Variants in OAT observed in about 807,000 individuals in gnomAD.
OAT encodes ornithine aminotransferase.
OAT carries 35 observed loss-of-function variants against 48.4 expected under a neutral mutation model. The ratio of observed to expected loss-of-function variants is 0.72; its 90% CI spans 0.55 to 0.96. The LOEUF (loss-of-function observed/expected upper bound fraction) is 0.96. OAT is among the 40% of genes least tolerant of loss of function. OAT has a pLI of 0.00. For missense variants in OAT, 438 were observed against 537.9 expected (o/e 0.81, Z 1.84); for synonymous variants, 182 against 198.4 (o/e 0.92, Z 0.70).
Position 124,411,846 on chromosome 10 carries a change from A to G in OAT, c.199+127T>C. The G allele has an allele frequency of 1.9e-5, 15 of 806,074 alleles. No individual in the cohort carries two copies. In the South Asian group the frequency reaches 2.1e-4, roughly 11 times the overall value. 49.9% of individuals were successfully genotyped at this position (806,074 alleles called of 1,614,324 possible). A position where few individuals can be genotyped will look rare whatever the true frequency, so the allele number is the denominator to read the frequency against. On this transcript the variant is annotated intron_variant, in intron 2 of 9. Transcript: ENST00000368845. ...AAAAAAAAAAAAAAGAAGAAGAAGAATTAACCATGTCTGCAATATACACAT... is the reference window on the plus strand; with the variant it reads ...AAAAAAAAAAAAAAGAAGAAGAAGAGTTAACCATGTCTGCAATATACACAT...
chr10:124,403,561 T>C (rs1045918510), intron 6 of OAT, among the ~76,000 whole-genome samples: 1 of 152,236 alleles, frequency 6.6e-6, no homozygotes, highest in East Asian at 1.9e-4. Flanking sequence ...TCTGCAGTTC[T>C]GCACAGGGCC....
Position 124,403,787 on chromosome 10 carries a change from A to AACG in OAT, c.771+8_771+10dup, listed in dbSNP as rs776213280. 2 of 1,614,090 alleles carry AACG rather than the reference A, an allele frequency of 1.2e-6. No individual in the cohort carries two copies. Among genetic ancestry groups the AACG allele is most frequent in the South Asian group, 2.2e-5 (2 of 91,082 alleles). The stretch of plus-strand genomic sequence containing the variant: ...ACATTCAGCCTTATCACAAACAGCT[A>AACG]ACGTGACAACCTGGTGCCTGGTGCA... On this transcript the variant is annotated intron_variant, in intron 6 of 9. Coordinates refer to ENST00000368845, the MANE Select transcript of OAT (RefSeq NM_000274.4).
At position 124,406,243 on chromosome 10, in the gene OAT, C is replaced by A. The variant is rs1008696918; in HGVS notation, c.521-680G>T. ...CAGTGGCTCACTTATGTAATCCCTG[C>A]ACTTTGGGAGGCCAAGGTGGGCAGA... On this transcript the variant is annotated intron_variant, in intron 4 of 9. Coordinates refer to ENST00000368845, the MANE Select transcript of OAT (RefSeq NM_000274.4). 39 of 556,936 alleles carry A rather than the reference C, an allele frequency of 7.0e-5. 1 individual carries two copies. In the African/African-American group the frequency reaches 7.6e-4, roughly 11 times the overall value. 34.5% of individuals were successfully genotyped at this position (556,936 alleles called of 1,614,324 possible).
At chr10:124,401,965 T>C (rs1026984663) in intron 7 of OAT, 126 bp from the exon 8 acceptor site, 22 of 733,856 alleles carry the variant, frequency 3.0e-5, no homozygotes, top group Non-Finnish European at 5.3e-5. Flanking sequence ...CACTGCAATC[T>C]CTGCCTCCTG....
At chr10:124,416,866 TA>T (rs5788661) in intron 1 of OAT, among the ~76,000 whole-genome samples, 4,624 of 144,392 alleles carry the variant, frequency 0.032, 90 homozygotes, top group Middle Eastern at 0.047. Context: ...TACAGGCCTT[TA>T]AAAAAAAAAA....
intron 9 of OAT, among the ~76,000 whole-genome samples, chr10:124,400,259 C>T (rs1260472030): frequency 6.6e-6 from 1 of 151,958 alleles, no homozygotes. Context: ...ACCACCCTGG[C>T]CAACATGGTG....
At chr10:124,417,229 G>T (rs1354309256) in intron 1 of OAT, among the ~76,000 whole-genome samples, 1 of 150,346 alleles carries the variant, frequency 6.7e-6, no homozygotes, top group Non-Finnish European at 1.5e-5. Context: ...TTTGGGGGGG[G>T]GATGCAAAAC....
At chr10:124,417,489 T>C (rs1951956333) in intron 1 of OAT, among the ~76,000 whole-genome samples, 1 of 152,108 alleles carries the variant, frequency 6.6e-6, no homozygotes, top group Non-Finnish European at 1.5e-5. Flanking sequence ...TTCACCATGT[T>C]GGCCAGGCTA....
At chr10:124,400,187 T>C (rs1456671476) in intron 9 of OAT, among the ~76,000 whole-genome samples, 1 of 152,172 alleles carries the variant, frequency 6.6e-6, no homozygotes, top group Admixed American at 6.5e-5. Context: ...CAGTGGCTCA[T>C]GCCTGTCATC....
chr10:124,402,532 A>C (rs972683041), intron 7 of OAT, among the ~76,000 whole-genome samples: 7 of 152,358 alleles, frequency 4.6e-5, no homozygotes, highest in African/African-American at 1.7e-4. Flanking sequence ...TGGCTCTGAA[A>C]GGCAAACCCA....
At position 124,408,307 on chromosome 10, in the gene OAT, G is replaced by A. The variant is rs1457006581; in HGVS notation, c.520+235C>T. ...TAAGTGTGTGTGTGTGTGTGTGTGT[G>A]TGTGTGTGTGTATATATATATATAT... On this transcript the variant is annotated intron_variant, in intron 4 of 9. Coordinates refer to ENST00000368845, the MANE Select transcript of OAT (RefSeq NM_000274.4). 1.1e-4 allele frequency among the ~76,000 whole-genome samples: 6 copies of A among 52,572 alleles called. No individual in the cohort carries two copies. The East Asian group carries it at 2.6e-3, about 23-fold the overall frequency. 34.5% of individuals were successfully genotyped at this position (52,572 alleles called of 152,430 possible).
At chr10:124,405,641 A>G in intron 4 of OAT, 78 bp from the exon 5 acceptor site, 3 of 1,587,936 alleles carry the variant, frequency 1.9e-6, no homozygotes, top group Non-Finnish European at 2.6e-6. Flanking sequence ...AAACACCACA[A>G]GAAGTTTGAC....
At chr10:124,399,338 C>CTTTTTTTT (rs937720307) in intron 9 of OAT, among the ~76,000 whole-genome samples, 10 of 58,760 alleles carry the variant, frequency 1.7e-4, no homozygotes, top group East Asian at 4.5e-4. Flanking sequence ...CCAGGTGATT[C>CTTTTTTTT]TTTTTTTTTT....
At chr10:124,411,924 TA>T (rs754053888) in intron 2 of OAT, 48 bp downstream of exon 2, 1 of 1,567,908 alleles carries the variant, frequency 6.4e-7, no homozygotes, top group East Asian at 2.2e-5. Flanking sequence ...AATTTTTTTT[TA>T]TAAAAGGTTT....
intron 1 of OAT, chr10:124,415,181 A>T (rs1354089812): frequency 6.6e-6 from 1 of 151,830 alleles, no homozygotes; most frequent in Non-Finnish European, 1.5e-5. Flanking sequence ...GCTAATTTCC[A>T]ACAGAAATGG....
rs948063726 is a variant in OAT at position 124,412,159 on chromosome 10, G to C, written c.13C>G (p.Leu5Val). ...ACAGCAAACCTCTGCAAATGTGCTA[G>C]TTTGGAAAACATTGTGTCCTTCAAG... MFSKLAHLQRFAVLS... is the reference protein window; with the variant it reads MFSKVAHLQRFAVLS... Residue 5 changes from leucine (L) to valine (V), a missense_variant, in exon 2 of 10, where the codon CTA becomes GTA. Leu to Val is a conservative substitution (Grantham distance 32, BLOSUM62 1). Coordinates refer to ENST00000368845, the MANE Select transcript of OAT (RefSeq NM_000274.4). 1 of 1,613,900 alleles carries C rather than the reference G, an allele frequency of 6.2e-7. No homozygotes were observed. The highest frequency in any genetic ancestry group is 1.3e-5 in the African/African-American group (1 of 75,052).
At chr10:124,407,395 T>C in intron 4 of OAT, 6 of 985,118 alleles carry the variant, frequency 6.1e-6, no homozygotes, top group Non-Finnish European at 7.2e-6. Flanking sequence ...CCTTTGCTAT[T>C]AAGAAAGAGA....
rs1951497384 is a variant in OAT at position 124,403,905 on chromosome 10, G to A, written c.664C>T (p.Pro222Ser). The change falls in exon 6 of 10, where the codon CCA (proline) becomes TCA (serine). Residue 222 changes from proline to serine, a missense_variant. Coordinates refer to ENST00000368845, the MANE Select transcript of OAT (RefSeq NM_000274.4). The part of the protein sequence containing the change: ...LPALERALQD[P>S]NVAAFMVEPI... ...TCTACCATGAACGCAGCCACATTTGGATCCTGAAGAGCACGCTACAGAAGA... is the reference window on the plus strand; with the variant it reads ...TCTACCATGAACGCAGCCACATTTGAATCCTGAAGAGCACGCTACAGAAGA... 3 of 1,614,090 alleles carry A rather than the reference G, an allele frequency of 1.9e-6. No individual in the cohort carries two copies. In the East Asian group the frequency reaches 6.7e-5, roughly 36 times the overall value.
intron 4 of OAT, chr10:124,406,918 C>A: frequency 1.0e-6 from 1 of 975,742 alleles, no homozygotes; most frequent in Non-Finnish European, 1.2e-6. Context: ...ACCAGTAAAG[C>A]AAGTGAGCTA....
Sources: gnomAD v4.1 joint callset for allele counts (sites outside exome capture counted in the v4.1 genomes callset) on GRCh38, gnomAD v4.1.1 for gene constraint, MANE v1.5 for transcripts, NCBI Gene and HGNC (gene_info 2026-07-23, HGNC 2026-07-21) for gene names.